Variants in TMEM164 observed in about 807,000 individuals in gnomAD.
TMEM164 encodes transmembrane protein 164, also known as RP13-360B22.2.
In TMEM164, 4 loss-of-function variants were observed where a neutral mutation model predicts 18.8. That is an observed-to-expected ratio of 0.21 (90% CI 0.10 to 0.49). TMEM164 has a LOEUF of 0.49. Ranked by LOEUF, TMEM164 falls within the 20% of genes least tolerant of loss-of-function variation. The probability of loss-of-function intolerance (pLI) is 0.98; values close to 1 mark genes in which losing one functional copy is unlikely to be tolerated. For missense variants in TMEM164, 108 were observed against 239.9 expected, an observed-to-expected ratio of 0.45 and a Z score of 3.63; for synonymous variants, 86 against 101.7, an observed-to-expected ratio of 0.85 and a Z score of 0.93.
intron 5 of TMEM164, among the ~76,000 whole-genome samples, chrX:110,167,891 A>G (rs2067177982): frequency 8.9e-6 from 1 of 111,801 alleles, no homozygotes; most frequent in Admixed American, 9.4e-5. Context: ...GCACTGAGAA[A>G]CAGTGTCCCC....
At chrX:110,002,596 G>C (rs1160905239), upstream of TMEM164, 1 of 109,646 alleles carries the variant, frequency 9.1e-6, no homozygotes, top group Non-Finnish European at 1.9e-5. Context: ...GCAGCGGGGA[G>C]GGGGAGGAGA....
intron 2 of TMEM164, among the ~76,000 whole-genome samples, chrX:110,043,142 G>A (rs770355078): frequency 3.6e-5 from 4 of 112,596 alleles, no homozygotes; most frequent in Non-Finnish European, 7.5e-5. Flanking sequence ...GTGCTATTGG[G>A]CTTCCAGCAT....
At chrX:110,064,887 C>T (rs1373159560) in intron 2 of TMEM164, among the ~76,000 whole-genome samples, 1 of 105,483 alleles carries the variant, frequency 9.5e-6, no homozygotes, top group Non-Finnish European at 1.9e-5. Context: ...GTCCCAGCTA[C>T]TTGAGAGGCT....
intron 4 of TMEM164, among the ~76,000 whole-genome samples, chrX:110,136,402 A>G (rs2066691788): frequency 8.9e-6 from 1 of 111,927 alleles, no homozygotes; most frequent in Non-Finnish European, 1.9e-5. Context: ...TCCAAAACCT[A>G]ACTTCGCTGG....
intron 2 of TMEM164, among the ~76,000 whole-genome samples, chrX:110,027,614 G>A (rs781638678): frequency 1.5e-3 from 168 of 109,839 alleles, no homozygotes; most frequent in African/African-American, 5.2e-3. Flanking sequence ...ACAAAAATTA[G>A]CTGGGCGTGG....
chrX:110,148,511 C>CT (rs1237610696), intron 5 of TMEM164, among the ~76,000 whole-genome samples: 10 of 107,322 alleles, frequency 9.3e-5, no homozygotes, highest in South Asian at 4.2e-4. Flanking sequence ...CTTTTTCTTT[C>CT]TTTTTTTTTC....
intron 2 of TMEM164, chrX:110,055,314 C>T (rs767783779): frequency 2.6e-6 from 1 of 381,435 alleles, no homozygotes; most frequent in East Asian, 7.6e-5. Flanking sequence ...AGGAATGTTT[C>T]CAAGCAGGGC....
intron 4 of TMEM164, among the ~76,000 whole-genome samples, chrX:110,124,388 G>A (rs781509448): frequency 6.3e-5 from 7 of 111,968 alleles, no homozygotes; most frequent in African/African-American, 1.9e-4. Context: ...AGCTCCTCCT[G>A]AGGCCCATCT....
At chrX:110,096,931 TA>T (rs1406944326) in intron 3 of TMEM164, among the ~76,000 whole-genome samples, 2 of 111,780 alleles carry the variant, frequency 1.8e-5, no homozygotes, top group African/African-American at 6.5e-5. Flanking sequence ...GAAAAAAATG[TA>T]TACACTCTTA....
At chrX:110,007,955 C>T (rs1204143066) in intron 2 of TMEM164, among the ~76,000 whole-genome samples, 2 of 112,240 alleles carry the variant, frequency 1.8e-5, no homozygotes, top group Non-Finnish European at 3.8e-5. Context: ...CAGGCTGTAT[C>T]CAGGCTGGAT....
intron 2 of TMEM164, among the ~76,000 whole-genome samples, chrX:110,033,783 C>G (rs1041013126): frequency 9.0e-6 from 1 of 111,279 alleles, no homozygotes; most frequent in Non-Finnish European, 1.9e-5. Flanking sequence ...TTTCCCTGAT[C>G]CCCACTTTTA....
intron 5 of TMEM164, among the ~76,000 whole-genome samples, chrX:110,156,880 A>G (rs1334655003): frequency 9.0e-6 from 1 of 111,620 alleles, no homozygotes; most frequent in Non-Finnish European, 1.9e-5. Flanking sequence ...ATACCATCAC[A>G]TTGACCATTA....
intron 3 of TMEM164, among the ~76,000 whole-genome samples, chrX:110,090,311 AT>A (rs397945932): frequency 4.9e-4 from 48 of 97,569 alleles, no homozygotes; most frequent in Admixed American, 1.2e-3. Flanking sequence ...TTTAGTCTGA[AT>A]TTTTTTTTTT....
At chrX:110,093,069 C>A (rs894205724) in intron 3 of TMEM164, among the ~76,000 whole-genome samples, 1 of 111,641 alleles carries the variant, frequency 9.0e-6, no homozygotes, top group Non-Finnish European at 1.9e-5. Context: ...CCAACTTGAT[C>A]GTGATGGATA....
intron 2 of TMEM164, among the ~76,000 whole-genome samples, chrX:110,042,820 C>T (rs1246264896): frequency 8.9e-6 from 1 of 112,327 alleles, no homozygotes; most frequent in African/African-American, 3.2e-5. Flanking sequence ...ATTTGTATAT[C>T]TTCTTTGGAG....
intron 4 of TMEM164, among the ~76,000 whole-genome samples, chrX:110,118,686 A>G (rs1184328372): frequency 9.0e-6 from 1 of 111,198 alleles, no homozygotes; most frequent in East Asian, 2.8e-4. Flanking sequence ...GTCCTTTCCA[A>G]CCTTTGCCAA....
chrX:110,082,559 T>G (rs2065775438), intron 3 of TMEM164, among the ~76,000 whole-genome samples: 1 of 111,538 alleles, frequency 9.0e-6, no homozygotes, highest in Admixed American at 9.6e-5. Context: ...TGCTACTAAC[T>G]TGGAAAAACG....
chrX:110,055,264 C>A (rs1935767065), intron 2 of TMEM164: 1 of 373,715 alleles, frequency 2.7e-6, no homozygotes. Flanking sequence ...CATAGTGATT[C>A]TCTCATTGAG....
rs1205672796 is a variant in TMEM164 at position 110,174,385 on chromosome X, C to T, written c.*934C>T. On this transcript the variant is annotated 3_prime_UTR_variant, in exon 7 of 7. Transcript: ENST00000372068. ...CCCCCACCCCTCCCCCTCCCCCCTC[C>T]CTCCCTCTTTCCCTCTCTCAGGCAG... The T allele has an allele frequency of 1.2e-5, 1 of 82,358 alleles. No individual in the cohort carries two copies. The highest frequency in any genetic ancestry group is 5.1e-4 in the East Asian group (1 of 1,970). The allele number at this position is 82,358 out of a possible 1,213,427, so 6.8% of individuals were successfully genotyped here.
Sources: allele counts gnomAD v4.1 joint callset (sites outside exome capture counted in the v4.1 genomes callset), GRCh38; gene constraint gnomAD v4.1.1; transcripts MANE v1.5; gene names NCBI Gene and HGNC (gene_info 2026-07-23, HGNC 2026-07-21).